POLR1C: variants seen among roughly 807,000 people sequenced by gnomAD.
The protein encoded by POLR1C is RNA polymerase I and III subunit C, also known as DNA-directed RNA polymerases I and III subunit RPAC1.
POLR1C carries 42 observed loss-of-function variants against 38.3 expected under a neutral mutation model. The ratio of observed to expected loss-of-function variants is 1.10; its 90% CI spans 0.86 to 1.42. POLR1C has a LOEUF of 1.42. Ranked by LOEUF, POLR1C falls within the 40% of genes most tolerant of loss-of-function variation. POLR1C has a pLI of 0.00. For missense variants in POLR1C, 507 were observed against 450.5 expected, an observed-to-expected ratio of 1.13 and a Z score of -1.14; for synonymous variants, 163 against 163.9, an observed-to-expected ratio of 0.99 and a Z score of 0.04.
At chr6:43,553,545 ACAC>A in intron 10 of POLR1C, 5 of 1,534,868 alleles carry the variant, frequency 3.3e-6, no homozygotes, top group Admixed American at 2.0e-5. Flanking sequence ...ACACACACAC[ACAC>A]AATTATCAGC....
intron 9 of POLR1C, chr6:43,548,575 A>G (rs1306854879): frequency 2.1e-6 from 2 of 935,260 alleles, no homozygotes; most frequent in Non-Finnish European, 3.0e-6. Context: ...AGTCAGGCCT[A>G]TAAGGTTATT....
chr6:43,554,576 C>G (rs933020395), intron 10 of POLR1C, among the ~76,000 whole-genome samples: 2 of 151,996 alleles, frequency 1.3e-5, no homozygotes, highest in Non-Finnish European at 2.9e-5. Flanking sequence ...AGGGGCCCAC[C>G]ACCACGCCTG....
intron 10 of POLR1C, chr6:43,551,250 A>G: frequency 2.0e-6 from 3 of 1,509,236 alleles, no homozygotes; most frequent in South Asian, 1.3e-5. Context: ...AATAAAAATT[A>G]ACTTAGAAAT....
chr6:43,528,389 A>G (rs1793733623), intron 8 of POLR1C, among the ~76,000 whole-genome samples: 1 of 152,062 alleles, frequency 6.6e-6, no homozygotes, highest in African/African-American at 2.4e-5. Context: ...AACCTATCCC[A>G]CATCCCTGAT....
Position 43,517,127 on chromosome 6 carries a change from G to T in POLR1C, c.18G>T (p.Ala6=). 6.2e-7 allele frequency: 1 copy of T among 1,614,176 alleles called. No individual in the cohort carries two copies. The highest frequency in any genetic ancestry group is 8.5e-7 in the Non-Finnish European group (1 of 1,180,010). Residue 6 remains alanine (A), a synonymous_variant, in exon 1 of 9, where the codon GCG becomes GCT. Coordinates refer to ENST00000642195, the MANE Select transcript of POLR1C (RefSeq NM_203290.4). MAASQ[A]VEEMRSRVVL... is the part of the protein sequence containing the mutation. Reference sequence around the variant, plus strand: ...GATTGAAGATGGCGGCTTCTCAGGCGGTGGAGGAAATGCGGAGCCGCGTGG... The same window carrying T: ...GATTGAAGATGGCGGCTTCTCAGGCTGTGGAGGAAATGCGGAGCCGCGTGG...
intron 2 of POLR1C, 75 bp downstream of exon 2, chr6:43,517,452 C>T: frequency 7.8e-7 from 1 of 1,283,214 alleles, no homozygotes; most frequent in Admixed American, 1.7e-5. Context: ...GTGTCTGTCT[C>T]AGAAGCTGCT....
intron 4 of POLR1C, 79 bp downstream of exon 4, chr6:43,519,917 A>G: frequency 1.3e-6 from 2 of 1,547,784 alleles, no homozygotes; most frequent in South Asian, 1.2e-5. Flanking sequence ...TAAGTTACTT[A>G]TCTTTGTACA....
chr6:43,547,051 G>A (rs190137607), intron 9 of POLR1C, among the ~76,000 whole-genome samples: 2 of 152,064 alleles, frequency 1.3e-5, no homozygotes, highest in African/African-American at 2.4e-5. Context: ...GCTTAGATAC[G>A]ATCCAAAACA....
intron 10 of POLR1C, among the ~76,000 whole-genome samples, chr6:43,557,098 A>G (rs568956810): frequency 1.3e-4 from 19 of 148,092 alleles, no homozygotes; most frequent in African/African-American, 3.9e-4. Flanking sequence ...ATTGCACTCC[A>G]GCCTGGGCGA....
At chr6:43,558,197 TA>T (rs1762213348) in intron 10 of POLR1C, among the ~76,000 whole-genome samples, 1 of 151,740 alleles carries the variant, frequency 6.6e-6, no homozygotes, top group South Asian at 2.1e-4. Context: ...GGGAAAGAAA[TA>T]ACCATAAGGT....
chr6:43,534,070 G>T, downstream of POLR1C: 4 of 1,329,262 alleles, frequency 3.0e-6, no homozygotes, highest in Non-Finnish European at 4.2e-6. Flanking sequence ...AGTGGGTTTT[G>T]CTTGTAATCC....
At chr6:43,529,231 T>G (rs755917748) in intron 8 of POLR1C, 3 of 1,397,506 alleles carry the variant, frequency 2.1e-6, no homozygotes, top group Non-Finnish European at 1.9e-6. Context: ...TCCTTCACCA[T>G]TCTCCTTATA....
intron 10 of POLR1C, chr6:43,558,420 C>T (rs939394821): frequency 7.6e-7 from 1 of 1,313,122 alleles, no homozygotes; most frequent in Non-Finnish European, 1.0e-6. Context: ...CGTAAAAACC[C>T]CAAACACCAT....
chr6:43,527,076 C>A, intron 8 of POLR1C: 2 of 265,984 alleles, frequency 7.5e-6, no homozygotes, highest in East Asian at 7.4e-5. Flanking sequence ...AGAAAATTAA[C>A]AGCCTCCATG....
At chr6:43,561,900 T>C (rs1370547773) in exon 11 of POLR1C, 1 of 170,062 alleles carries the variant, frequency 5.9e-6, no homozygotes, top group Non-Finnish European at 1.2e-5. Flanking sequence ...AAGAGTTCTT[T>C]ATTCAAGTCC....
At chr6:43,536,742 AGAGT>A (rs1444107458) in intron 9 of POLR1C, among the ~76,000 whole-genome samples, 1 of 132,348 alleles carries the variant, frequency 7.6e-6, no homozygotes, top group Non-Finnish European at 1.6e-5. Flanking sequence ...CCTGGACGAC[AGAGT>A]GAGACTCTAT....
At chr6:43,559,134 T>A (rs1291342989) in intron 10 of POLR1C, 1 of 152,328 alleles carries the variant, frequency 6.6e-6, no homozygotes, top group African/African-American at 2.4e-5. Flanking sequence ...CTGTCTCTAC[T>A]AAAATACAAA....
chr6:43,556,758 G>C (rs1408545113), intron 10 of POLR1C, among the ~76,000 whole-genome samples: 1 of 152,034 alleles, frequency 6.6e-6, no homozygotes, highest in Non-Finnish European at 1.5e-5. Context: ...CCAAAAAATG[G>C]AAATAACTCA....
downstream of POLR1C, chr6:43,523,564 G>C (rs900238022): frequency 1.8e-6 from 1 of 552,378 alleles, no homozygotes; most frequent in African/African-American, 1.9e-5. Context: ...GGGTGGGAGG[G>C]CTTGTGGGAG....
Sources: gnomAD v4.1 joint callset for allele counts (sites outside exome capture counted in the v4.1 genomes callset) on GRCh38, gnomAD v4.1.1 for gene constraint, MANE v1.5 for transcripts, NCBI Gene and HGNC (gene_info 2026-07-23, HGNC 2026-07-21) for gene names.